The following USH2A variants were observed in gnomAD, a reference collection of about 807,000 sequenced individuals.
The protein encoded by USH2A is usherin, also known as Usher syndrome 2A (autosomal recessive, mild).
In USH2A, 443 loss-of-function variants were observed where a neutral mutation model predicts 538.9. The ratio of observed to expected loss-of-function variants is 0.82; its 90% CI spans 0.76 to 0.89. USH2A has a LOEUF of 0.89. USH2A is among the 40% of genes least tolerant of loss of function. The pLI is 0.00. For missense variants in USH2A, 6,633 were observed against 6,324.8 expected, an observed-to-expected ratio of 1.05 and a Z score of -1.65; for synonymous variants, 2,413 against 2,273.5, an observed-to-expected ratio of 1.06 and a Z score of -1.75.
At position 216,204,342 on chromosome 1, in the gene USH2A, A is replaced by T. The variant is rs544892693; in HGVS notation, c.3316+2931T>A. On this transcript the variant is annotated intron_variant, in intron 16 of 71. Transcript: ENST00000307340. ...TTCTCGAAGCGCTAGCTTGACCTCTACCTTAAATAAAACGTAAAGATATAC... is the reference window on the plus strand; with the variant it reads ...TTCTCGAAGCGCTAGCTTGACCTCTTCCTTAAATAAAACGTAAAGATATAC... 1.8e-3 allele frequency: 273 copies of T among 152,268 alleles called. 3 individuals carry two copies. The highest frequency in any genetic ancestry group is 6.4e-3 in the African/African-American group (267 of 41,554). 9.4% of individuals were successfully genotyped at this position (152,268 alleles called of 1,614,324 possible).
intron 26 of USH2A, 50 bp from the exon 27 acceptor site, chr1:216,078,412 G>A: frequency 1.9e-6 from 3 of 1,564,010 alleles, no homozygotes; most frequent in South Asian, 1.1e-5. Flanking sequence ...GGCTGCAGAA[G>A]GGCAGTTTGG....
chr1:216,263,679 G>A lies in USH2A; in HGVS notation c.1972-12581C>T, dbSNP rs116695240. On this transcript the variant is annotated intron_variant, in intron 11 of 71. Coordinates refer to ENST00000307340, the MANE Select transcript of USH2A (RefSeq NM_206933.4). ...CAACATCTTATTAAACGGAGAAAAG[G>A]TGAAAACTTTTCTTCTAGGAACTGG... Among the ~76,000 whole-genome samples the A allele has an allele frequency of 3.0e-3, 457 of 152,150 alleles. 2 individuals are homozygous for A. The highest frequency in any genetic ancestry group is 0.011 in the African/African-American group (443 of 41,540).
chr1:216,198,648 G>A (rs1296079991), intron 17 of USH2A, 64 bp from the exon 18 acceptor site: 5 of 1,480,922 alleles, frequency 3.4e-6, no homozygotes, highest in Admixed American at 3.5e-5. Context: ...TAGGGGTAGG[G>A]TAGGGACAGG....
At chr1:215,677,158 C>G (rs1436608932) in intron 62 of USH2A, among the ~76,000 whole-genome samples, 5 of 152,108 alleles carry the variant, frequency 3.3e-5, no homozygotes, top group Non-Finnish European at 2.9e-5. Context: ...ACCTCTGTAT[C>G]CATGTGAATC....
At chr1:216,375,997 T>C (rs1353909504) in intron 3 of USH2A, among the ~76,000 whole-genome samples, 2 of 152,148 alleles carry the variant, frequency 1.3e-5, no homozygotes, top group Non-Finnish European at 2.9e-5. Context: ...CATATCATAT[T>C]GGTGTGGTTC....
At position 216,422,340 on chromosome 1, in the gene USH2A, T is replaced by C. The variant is rs2039693971; in HGVS notation, c.-4A>G. On this transcript the variant is annotated 5_prime_UTR_variant, in exon 2 of 72. An upstream open reading frame in the 5' UTR loses its in-frame stop. Coordinates refer to ENST00000307340, the MANE Select transcript of USH2A (RefSeq NM_206933.4). Reference sequence around the variant, plus strand: ...ATGAAAGAACTGGGCAATTCATGTTTACAAAAAAGCATTCTCCTCCTGATA... The same window carrying C: ...ATGAAAGAACTGGGCAATTCATGTTCACAAAAAAGCATTCTCCTCCTGATA... 6.2e-7 allele frequency: 1 copy of C among 1,613,630 alleles called. No individual in the cohort carries two copies. Among genetic ancestry groups the C allele is most frequent in the African/African-American group, 1.3e-5 (1 of 75,008 alleles).
rs1284721079 is a variant in USH2A, at chr1:215,628,871, C to T, written c.15462G>A (p.Lys5154=). ...SVSQLMDIQD[K]KVLMDNSLWE... ...ACAGTGAGTTGTCCATCAAGACTTT[C>T]TTGTCTTGAATGTCCATGAGCTGGC... Residue 5154 remains lysine, a synonymous_variant, in exon 71 of 72, where the codon AAG becomes AAA. Coordinates refer to ENST00000307340, the MANE Select transcript of USH2A (RefSeq NM_206933.4). The T allele has an allele frequency of 1.2e-6, 2 of 1,614,032 alleles. No homozygotes were observed. The highest frequency in any genetic ancestry group is 1.7e-5 in the Admixed American group (1 of 60,004).
intron 38 of USH2A, among the ~76,000 whole-genome samples, chr1:215,928,571 G>A (rs1666293230): frequency 6.6e-6 from 1 of 152,052 alleles, no homozygotes; most frequent in Non-Finnish European, 1.5e-5. Context: ...ATACATTCCA[G>A]CATACATGCT....
intron 61 of USH2A, among the ~76,000 whole-genome samples, chr1:215,704,652 C>A (rs1053349832): frequency 6.6e-6 from 1 of 152,190 alleles, no homozygotes; most frequent in Non-Finnish European, 1.5e-5. Flanking sequence ...CACCCTGTCC[C>A]TAGACTCATG....
intron 60 of USH2A, among the ~76,000 whole-genome samples, chr1:215,739,038 C>T (rs1660230491): frequency 6.6e-6 from 1 of 152,144 alleles, no homozygotes; most frequent in Non-Finnish European, 1.5e-5. Flanking sequence ...GAAATAACTG[C>T]CAAGTGATTC....
At chr1:216,402,380 T>C (rs2102761930) in intron 3 of USH2A, among the ~76,000 whole-genome samples, 1 of 152,184 alleles carries the variant, frequency 6.6e-6, no homozygotes, top group East Asian at 1.9e-4. Flanking sequence ...AACATAGAAC[T>C]GAATGCACAT....
chr1:216,124,491 C>A (rs554827572), intron 21 of USH2A, among the ~76,000 whole-genome samples: 7 of 151,908 alleles, frequency 4.6e-5, no homozygotes, highest in Admixed American at 3.9e-4. Flanking sequence ...AAGAAAAAGG[C>A]GGAGGGAAAC....
At position 216,289,327 on chromosome 1, in the gene USH2A, C is replaced by T. The variant is rs1363062252; in HGVS notation, c.1924G>A (p.Asp642Asn). 6.2e-7 allele frequency: 1 copy of T among 1,613,994 alleles called. No individual in the cohort carries two copies. The highest frequency in any genetic ancestry group is 8.5e-7 in the Non-Finnish European group (1 of 1,179,880). ...TTTCTAGTGCCAACTGTATCACAGTCACAGGGTTTGCAAACATCTATGGCC... is the reference window on the plus strand; with the variant it reads ...TTTCTAGTGCCAACTGTATCACAGTTACAGGGTTTGCAAACATCTATGGCC... ...PSAIDVCKPC[D>N]CDTVGTRNGS... The change falls in exon 11 of 72, where the codon GAC (aspartate) becomes AAC (asparagine). Residue 642 changes from aspartate (D) to asparagine (N), a missense_variant. Coordinates refer to ENST00000307340, the MANE Select transcript of USH2A (RefSeq NM_206933.4).
chr1:215,956,531 A>G (rs543699221), intron 37 of USH2A, among the ~76,000 whole-genome samples: 1 of 152,218 alleles, frequency 6.6e-6, no homozygotes, highest in South Asian at 2.1e-4. Flanking sequence ...GAATGGAGAG[A>G]TTCCTCCACA....
chr1:215,810,478 A>G (rs1012117266), intron 49 of USH2A, among the ~76,000 whole-genome samples: 1 of 152,160 alleles, frequency 6.6e-6, no homozygotes, highest in Admixed American at 6.6e-5. Context: ...GTTTTAAGGG[A>G]CAGAGGATAT....
At chr1:216,413,984 T>C (rs1280408209) in intron 3 of USH2A, among the ~76,000 whole-genome samples, 1 of 152,126 alleles carries the variant, frequency 6.6e-6, no homozygotes, top group Non-Finnish European at 1.5e-5. Context: ...TAAACACATA[T>C]ACTTATTTCC....
chr1:215,798,102 A>C (rs1424395037), intron 50 of USH2A, among the ~76,000 whole-genome samples: 1 of 152,160 alleles, frequency 6.6e-6, no homozygotes, highest in Non-Finnish European at 1.5e-5. Flanking sequence ...GATGCAGTGG[A>C]AATAGCAAGA....
At chr1:216,133,005 G>A (rs140637037) in intron 21 of USH2A, among the ~76,000 whole-genome samples, 3,188 of 152,186 alleles carry the variant, frequency 0.021, 42 homozygotes, top group Non-Finnish European at 0.031. Flanking sequence ...ATGTTGATGC[G>A]TATAGCCCTG....
At position 216,170,570 on chromosome 1, in the gene USH2A, G is replaced by C. The variant is rs76019926; in HGVS notation, c.4627+4682C>G. On this transcript the variant is annotated intron_variant, in intron 21 of 71. Coordinates refer to ENST00000307340, the MANE Select transcript of USH2A (RefSeq NM_206933.4). Reference sequence around the variant, plus strand: ...CTGGGCAGGGTCACCAGTAAAGGCAGTTTAAAAGGCTGGTGTGATTGGCAT... The same window carrying C: ...CTGGGCAGGGTCACCAGTAAAGGCACTTTAAAAGGCTGGTGTGATTGGCAT... Among the ~76,000 whole-genome samples the C allele has an allele frequency of 3.9e-4, 59 of 152,202 alleles. 1 individual carries two copies. Among genetic ancestry groups the C allele is most frequent in the South Asian group, 3.1e-3 (15 of 4,822 alleles).
Sources: gnomAD v4.1 joint callset for allele counts (sites outside exome capture counted in the v4.1 genomes callset) on GRCh38, gnomAD v4.1.1 for gene constraint, MANE v1.5 for transcripts, NCBI Gene and HGNC (gene_info 2026-07-23, HGNC 2026-07-21) for gene names.